NXNL1: variants seen among roughly 807,000 people sequenced by gnomAD.
NXNL1 encodes nucleoredoxin like 1.
A neutral mutation model predicts 7.2 loss-of-function variants in NXNL1; 6 were observed. The observed-to-expected ratio is 0.83, with a 90% CI of 0.46 to 1.64. The LOEUF (loss-of-function observed/expected upper bound fraction) is 1.64, where lower values mean the gene tolerates loss of function less well. Ranked by LOEUF, NXNL1 falls within the 40% of genes most tolerant of loss-of-function variation. The probability of loss-of-function intolerance (pLI) is 0.01; values close to 1 mark genes in which losing one functional copy is unlikely to be tolerated. For synonymous variants in NXNL1, 133 were observed against 127.2 expected (o/e 1.05, Z -0.31); for missense variants, 308 against 285.1 (o/e 1.08, Z -0.58).
Position 17,460,885 on chromosome 19 carries a change from G to A in NXNL1, c.-16C>T. ...GGGAGGCCATGGTAACCTGGGTTGGGTGCTGGGGACAGCGCGGCGTGTGGT... is the reference window on the plus strand; with the variant it reads ...GGGAGGCCATGGTAACCTGGGTTGGATGCTGGGGACAGCGCGGCGTGTGGT... On this transcript the variant is annotated 5_prime_UTR_variant, in exon 1 of 2. Coordinates refer to ENST00000301944, the MANE Select transcript of NXNL1 (RefSeq NM_138454.2). The A allele has an allele frequency of 1.9e-6, 3 of 1,611,564 alleles. No homozygotes were observed. The highest frequency in any genetic ancestry group is 2.7e-5 in the African/African-American group (2 of 75,058).
chr19:17,456,339 T>TAAATAAATAAATAAAG (rs1555739699), intron 1 of NXNL1, among the ~76,000 whole-genome samples: 3 of 151,142 alleles, frequency 2.0e-5, no homozygotes, highest in Non-Finnish European at 3.0e-5. Context: ...AATAAATAAA[T>TAAATAAATAAATAAAG]AAAGCAGGGT....
chr19:17,455,673 C>A lies in NXNL1; in HGVS notation c.613G>T (p.Glu205Ter). ...CAGAACAGCCCCCCGGCCCCGCCCT[C>A]CTCCCCACCCCCTCCCCCGGGGTCG... Reference protein sequence around the residue: ...GRDPGGGGGEEGGAGGLF With the variant: ...GRDPGGGGGE Residue 205 changes from glutamate to a stop codon, truncating the protein, a stop_gained, in exon 2 of 2, where the codon GAG becomes TAG. Coordinates refer to ENST00000301944, the MANE Select transcript of NXNL1 (RefSeq NM_138454.2). LOFTEE classifies it high-confidence loss of function. 9.4e-6 allele frequency: 10 copies of A among 1,066,620 alleles called. No individual in the cohort carries two copies. Among genetic ancestry groups the A allele is most frequent in the Non-Finnish European group, 1.4e-5 (10 of 738,286 alleles). The allele number at this position is 1,066,620 out of a possible 1,614,324, so 66.1% of individuals were successfully genotyped here. A position where few individuals can be genotyped will look rare whatever the true frequency, so the allele number is the denominator to read the frequency against.
chr19:17,456,078 G>T, intron 1 of NXNL1, 119 bp from the exon 2 acceptor site: 1 of 1,496,386 alleles, frequency 6.7e-7, no homozygotes, highest in Non-Finnish European at 8.9e-7. Context: ...CTCTTGCCGG[G>T]CACTGGGTAG....
chr19:17,455,487 GTCAGGGTC>G lies in NXNL1; in HGVS notation c.*152_*159del, dbSNP rs2144513683. ...CGGGCTAACTTTTAATTTTCGTAGA[GTCAGGGTC>G]TCACTCTCTTGCCCAGGTTGATCTC... On this transcript the variant is annotated 3_prime_UTR_variant, in exon 2 of 2. Coordinates refer to ENST00000301944, the MANE Select transcript of NXNL1 (RefSeq NM_138454.2). 1.7e-6 allele frequency: 1 copy of G among 598,280 alleles called. No individual in the cohort carries two copies. Among genetic ancestry groups the G allele is most frequent in the South Asian group, 2.1e-5 (1 of 48,562 alleles). The allele number at this position is 598,280 out of a possible 1,614,324, so 37.1% of individuals were successfully genotyped here.
intron 1 of NXNL1, among the ~76,000 whole-genome samples, chr19:17,457,906 T>C (rs1489649583): frequency 6.6e-6 from 1 of 152,240 alleles, no homozygotes; most frequent in East Asian, 1.9e-4. Flanking sequence ...ACTCTGATGA[T>C]GTCCAAATTC....
rs746563428 is a variant in NXNL1, at chr19:17,455,948, C to G, written c.338G>C (p.Arg113Pro). Reference protein sequence around the residue: ...FEDDLRRDLGRQFSVERLPAV... With the variant: ...FEDDLRRDLGPQFSVERLPAV... ...CGGCAGGCGCTCCACTGAGAACTGG[C>G]GCCCGAGGTCCCTGCGGAGCGGGCA... Residue 113 changes from arginine (R) to proline (P), a missense_variant, in exon 2 of 2, where the codon CGC becomes CCC. By Grantham distance (103) the Arg-to-Pro change is moderately radical. Coordinates refer to ENST00000301944, the MANE Select transcript of NXNL1 (RefSeq NM_138454.2). The G allele has an allele frequency of 6.3e-7, 1 of 1,597,450 alleles. No individual in the cohort carries two copies.
At chr19:17,459,884 C>T (rs1296856947) in intron 1 of NXNL1, among the ~76,000 whole-genome samples, 4 of 152,132 alleles carry the variant, frequency 2.6e-5, no homozygotes, top group Non-Finnish European at 5.9e-5. Flanking sequence ...CTAGGGGTCT[C>T]TCTTTAAAGC....
chr19:17,455,659 C>A lies in NXNL1; in HGVS notation c.627G>T (p.Gly209=). The stretch of plus-strand genomic sequence containing the variant: ...CCACCCTAGCGGGTCAGAACAGCCC[C>A]CCGGCCCCGCCCTCCTCCCCACCCC... ...GGGGGEEGGA[G]GLF Residue 209 remains glycine (G), a synonymous_variant, in exon 2 of 2, where the codon GGG becomes GGT. Transcript: ENST00000301944. The A allele has an allele frequency of 1.2e-6, 1 of 868,756 alleles. No individual in the cohort carries two copies. Among genetic ancestry groups the A allele is most frequent in the South Asian group, 1.4e-5 (1 of 69,780 alleles). The allele number at this position is 868,756 out of a possible 1,614,324, so 53.8% of individuals were successfully genotyped here.
chr19:17,458,220 C>CTTTTTTTTTTTTTTTT (rs756873224), intron 1 of NXNL1, among the ~76,000 whole-genome samples: 22 of 122,180 alleles, frequency 1.8e-4, no homozygotes, highest in Middle Eastern at 4.2e-3. Context: ...TTCTTTCTTT[C>CTTTTTTTTTTTTTTTT]TTTTTTTTTT....
In NXNL1 at chr19:17,459,846, G is replaced by A. The variant is rs1429133181; in HGVS notation, c.326+698C>T. Reference sequence around the variant, plus strand: ...TTACCATAGCCTCCCAGGTGGCTAGGACTACAGGCATGAGCCACCGTGCCC... The same window carrying A: ...TTACCATAGCCTCCCAGGTGGCTAGAACTACAGGCATGAGCCACCGTGCCC... On this transcript the variant is annotated intron_variant, in intron 1 of 1. Coordinates refer to ENST00000301944, the MANE Select transcript of NXNL1 (RefSeq NM_138454.2). Among the ~76,000 whole-genome samples, 4 of 152,036 alleles carry A rather than the reference G, an allele frequency of 2.6e-5. No homozygotes were observed. The East Asian group carries it at 5.8e-4, about 22-fold the overall frequency.
chr19:17,458,220 C>CTTTTTTTT (rs756873224), intron 1 of NXNL1, among the ~76,000 whole-genome samples: 99 of 122,150 alleles, frequency 8.1e-4, no homozygotes, highest in Non-Finnish European at 9.7e-4. Flanking sequence ...TTCTTTCTTT[C>CTTTTTTTT]TTTTTTTTTT....
In NXNL1 at chr19:17,455,901, C is replaced by G. The variant is rs1371956048; in HGVS notation, c.385G>C (p.Asp129His). ...CCGTCGCGAGTGAGCACGTCCCCGT[C>G]CGGCTTGAGCACCACGACCGCCGGC... ...RLPAVVVLKP[D>H]GDVLTRDGAD... The change falls in exon 2 of 2, where the codon GAC becomes CAC. Residue 129 changes from aspartate to histidine, a missense_variant. Physicochemically the swap from Asp to His is moderately conservative, Grantham distance 81. Transcript: ENST00000301944. 2 of 1,594,416 alleles carry G rather than the reference C, an allele frequency of 1.3e-6. No homozygotes were observed. The highest frequency in any genetic ancestry group is 2.7e-5 in the African/African-American group (2 of 74,854).
intron 1 of NXNL1, among the ~76,000 whole-genome samples, chr19:17,460,000 C>T (rs1406209784): frequency 2.0e-5 from 3 of 151,418 alleles, no homozygotes; most frequent in Admixed American, 6.6e-5. Flanking sequence ...TACTGCAATT[C>T]GCTATTATAT....
chr19:17,455,763 G>A lies in NXNL1; in HGVS notation c.523C>T (p.Arg175Trp). The change falls in exon 2 of 2, where the codon CGG becomes TGG. Residue 175 changes from arginine (R) to tryptophan (W), a missense_variant. Physicochemically the swap from Arg to Trp is moderately radical, Grantham distance 101. Coordinates refer to ENST00000301944, the MANE Select transcript of NXNL1 (RefSeq NM_138454.2). The part of the protein sequence containing the change: ...LPEDLEDQEP[R>W]SLTECLRRHK... ...CGGCGCAGGCACTCGGTGAGGCTCCGTGGCTCCTGGTCCTCCAGGTCCTCT... is the reference window on the plus strand; with the variant it reads ...CGGCGCAGGCACTCGGTGAGGCTCCATGGCTCCTGGTCCTCCAGGTCCTCT... The A allele has an allele frequency of 6.8e-7, 1 of 1,479,606 alleles. No individual in the cohort carries two copies. Among genetic ancestry groups the A allele is most frequent in the Non-Finnish European group, 9.0e-7 (1 of 1,110,940 alleles). The allele number at this position is 1,479,606 out of a possible 1,614,324, so 91.7% of individuals were successfully genotyped here. A position where few individuals can be genotyped will look rare whatever the true frequency, so the allele number is the denominator to read the frequency against.
chr19:17,456,028 C>T, intron 1 of NXNL1, 69 bp from the exon 2 acceptor site: 2 of 1,586,638 alleles, frequency 1.3e-6, no homozygotes, highest in African/African-American at 1.3e-5. Flanking sequence ...CCCCACATCC[C>T]TCCTCCCAGT....
intron 1 of NXNL1, among the ~76,000 whole-genome samples, chr19:17,456,339 T>TAAATAAAG (rs1555739699): frequency 1.3e-5 from 2 of 151,260 alleles, no homozygotes; most frequent in South Asian, 4.2e-4. Flanking sequence ...AATAAATAAA[T>TAAATAAAG]AAAGCAGGGT....
chr19:17,455,952 C>A lies in NXNL1; in HGVS notation c.334G>T (p.Gly112Trp). 6.3e-7 allele frequency: 1 copy of A among 1,597,594 alleles called. No individual in the cohort carries two copies. ...AGGCGCTCCACTGAGAACTGGCGCC[C>A]GAGGTCCCTGCGGAGCGGGCAGGTC... ...PFEDDLRRDL[G>W]RQFSVERLPA... The change falls in exon 2 of 2, where the codon GGG (glycine) becomes TGG (tryptophan). Residue 112 changes from glycine to tryptophan, a missense_variant. Gly to Trp is a radical substitution (Grantham distance 184). Transcript: ENST00000301944.
chr19:17,456,018 C>A, intron 1 of NXNL1, 59 bp from the exon 2 acceptor site: 2 of 1,590,360 alleles, frequency 1.3e-6, no homozygotes, highest in Non-Finnish European at 1.7e-6. Flanking sequence ...AACCAGAGAG[C>A]CCCACATCCC....
Position 17,455,678 on chromosome 19 carries a change from C to CCCCCCCCCCCCCCCCGGGG in NXNL1, c.607_608insCCCCGGGGGGGGGGGGGGG (p.Gly203AlafsTer20). ...CAGCCCCCCGGCCCCGCCCTCCTCC[C>CCCCCCCCCCCCCCCCGGGG]CACCCCCTCCCCCGGGGTCGCGCCC... On this transcript the variant is annotated frameshift_variant, in exon 2 of 2. Coordinates refer to ENST00000301944, the MANE Select transcript of NXNL1 (RefSeq NM_138454.2). LOFTEE classifies it high-confidence loss of function. 1 of 1,430,794 alleles carries CCCCCCCCCCCCCCCCGGGG rather than the reference C, an allele frequency of 7.0e-7. No homozygotes were observed. The highest frequency in any genetic ancestry group is 1.2e-5 in the South Asian group (1 of 81,056). The allele number at this position is 1,430,794 out of a possible 1,614,324, so 88.6% of individuals were successfully genotyped here. A position where few individuals can be genotyped will look rare whatever the true frequency, so the allele number is the denominator to read the frequency against.
Sources: allele counts gnomAD v4.1 joint callset (sites outside exome capture counted in the v4.1 genomes callset), GRCh38; gene constraint gnomAD v4.1.1; transcripts MANE v1.5; gene names NCBI Gene and HGNC (gene_info 2026-07-23, HGNC 2026-07-21).